Variants in NRG1 observed in about 807,000 individuals in gnomAD.
The protein encoded by NRG1 is neuregulin 1.
A neutral mutation model predicts 63.8 loss-of-function variants in NRG1; 18 were observed. The ratio of observed to expected loss-of-function variants is 0.28; its 90% CI spans 0.19 to 0.42. The LOEUF is 0.42. NRG1 is among the 10% of genes least tolerant of loss of function. NRG1 has a pLI of 1.00. For missense variants in NRG1, 762 were observed against 814.7 expected (o/e 0.94, Z 0.79); for synonymous variants, 302 against 301.3 (o/e 1.00, Z -0.02).
At chr8:32,128,229 C>T (rs972370762) in intron 1 of NRG1, among the ~76,000 whole-genome samples, 5 of 151,912 alleles carry the variant, frequency 3.3e-5, no homozygotes, top group Non-Finnish European at 5.9e-5. Flanking sequence ...AAAGAAGAGT[C>T]CCAGCAGGCC....
chr8:32,647,095 G>A (rs1853731724), intron 5 of NRG1: 1 of 985,248 alleles, frequency 1.0e-6, no homozygotes, highest in Non-Finnish European at 1.2e-6. Flanking sequence ...CTGCACTCTT[G>A]CCTCCGGAGC....
intron 1 of NRG1, among the ~76,000 whole-genome samples, chr8:32,330,626 TG>T (rs1172545960): frequency 6.6e-6 from 1 of 152,208 alleles, no homozygotes; most frequent in Non-Finnish European, 1.5e-5. Flanking sequence ...GTCCAGTCAT[TG>T]GGGTTGACCC....
chr8:32,233,651 G>A lies in NRG1; in HGVS notation c.38-362177G>A, dbSNP rs183121116. On this transcript the variant is annotated intron_variant, in intron 1 of 10. Transcript: ENST00000519301. ...GCGATCTCAGATCACTGCAACCTCCGCCTCCTGGGTTCAAGTGATTCTCCT... is the reference window on the plus strand; with the variant it reads ...GCGATCTCAGATCACTGCAACCTCCACCTCCTGGGTTCAAGTGATTCTCCT... Among the ~76,000 whole-genome samples, 40 of 147,564 alleles carry A rather than the reference G, an allele frequency of 2.7e-4. No individual in the cohort carries two copies. In the South Asian group the frequency reaches 3.7e-3, roughly 14 times the overall value.
At chr8:32,676,462 T>C (rs115430379) in intron 5 of NRG1, among the ~76,000 whole-genome samples, 1 of 152,356 alleles carries the variant, frequency 6.6e-6, no homozygotes, top group African/African-American at 2.4e-5. Context: ...CAGAAGTTTG[T>C]TAACCTAGTT....
At chr8:32,148,112 T>C (rs560097240) in intron 1 of NRG1, among the ~76,000 whole-genome samples, 10 of 152,308 alleles carry the variant, frequency 6.6e-5, no homozygotes, top group Admixed American at 5.2e-4. Context: ...TTGTTGAATA[T>C]ATTTCCTCAG....
At chr8:31,698,903 A>G (rs563109210) in intron 1 of NRG1, among the ~76,000 whole-genome samples, 2 of 152,368 alleles carry the variant, frequency 1.3e-5, no homozygotes, top group East Asian at 1.9e-4. Flanking sequence ...ACAAAGATTT[A>G]TGAACACAAA....
intron 1 of NRG1, among the ~76,000 whole-genome samples, chr8:32,143,978 G>A (rs1396626850): frequency 2.6e-5 from 4 of 152,272 alleles, no homozygotes; most frequent in South Asian, 2.1e-4. Context: ...TATGTTTAGC[G>A]TCAATTTCTC....
intron 1 of NRG1, among the ~76,000 whole-genome samples, chr8:32,119,216 A>G (rs1833128264): frequency 2.0e-5 from 3 of 152,120 alleles, no homozygotes; most frequent in Non-Finnish European, 2.9e-5. Flanking sequence ...TTTTTACCTC[A>G]TTAAATCCTA....
At chr8:31,919,280 A>AT (rs1833692786) in intron 1 of NRG1, among the ~76,000 whole-genome samples, 1 of 151,408 alleles carries the variant, frequency 6.6e-6, no homozygotes, top group African/African-American at 2.4e-5. Context: ...TATTTGTTAT[A>AT]TTTTTTGATG....
At chr8:32,749,443 G>A (rs1179863681) in intron 7 of NRG1, 6 of 1,021,068 alleles carry the variant, frequency 5.9e-6, no homozygotes, top group Non-Finnish European at 9.2e-6. Flanking sequence ...CTGGTTCAAT[G>A]TGCATGCACA....
intron 1 of NRG1, among the ~76,000 whole-genome samples, chr8:31,647,093 C>A (rs2130858945): frequency 6.6e-6 from 1 of 152,292 alleles, no homozygotes; most frequent in East Asian, 1.9e-4. Context: ...CATTTGTAAA[C>A]CATCCCAGTT....
chr8:32,186,107 C>T (rs563571567), intron 1 of NRG1, among the ~76,000 whole-genome samples: 1 of 152,270 alleles, frequency 6.6e-6, no homozygotes, highest in Admixed American at 6.5e-5. Flanking sequence ...CTATTAAACT[C>T]ATATCTAATG....
At chr8:32,087,274 G>A (rs190347505) in intron 1 of NRG1, among the ~76,000 whole-genome samples, 1 of 152,050 alleles carries the variant, frequency 6.6e-6, no homozygotes, top group East Asian at 1.9e-4. Flanking sequence ...TTTTTGCTCT[G>A]AGTTCATGTG....
chr8:32,382,959 C>T (rs1470349594), intron 1 of NRG1, among the ~76,000 whole-genome samples: 1 of 151,814 alleles, frequency 6.6e-6, no homozygotes, highest in Non-Finnish European at 1.5e-5. Context: ...CAGTGGCTCA[C>T]ACCTGTAATC....
At chr8:32,656,864 T>G (rs1300689482) in intron 5 of NRG1, among the ~76,000 whole-genome samples, 1 of 151,996 alleles carries the variant, frequency 6.6e-6, no homozygotes, top group African/African-American at 2.4e-5. Flanking sequence ...GGTAAAATAT[T>G]TTAAATTTTT....
At chr8:31,920,880 A>ATAGG (rs1277017157) in intron 1 of NRG1, among the ~76,000 whole-genome samples, 1 of 126,076 alleles carries the variant, frequency 7.9e-6, no homozygotes, top group Non-Finnish European at 1.7e-5. Context: ...AGATAGATAG[A>ATAGG]TAGGTAGATA....
intron 1 of NRG1, among the ~76,000 whole-genome samples, chr8:32,399,465 G>A (rs551007627): frequency 6.6e-6 from 1 of 152,312 alleles, no homozygotes; most frequent in South Asian, 2.1e-4. Context: ...AGGCCAAGGC[G>A]GGGCAGAGGG....
intron 1 of NRG1, among the ~76,000 whole-genome samples, chr8:32,472,213 C>T (rs929485723): frequency 1.3e-5 from 2 of 152,160 alleles, no homozygotes; most frequent in African/African-American, 4.8e-5. Context: ...CTCTGTCGCC[C>T]AGGCTAGAGT....
chr8:32,299,511 A>G (rs2129475000), intron 1 of NRG1, among the ~76,000 whole-genome samples: 1 of 152,328 alleles, frequency 6.6e-6, no homozygotes, highest in South Asian at 2.1e-4. Flanking sequence ...GCAGATGATA[A>G]TGATACTGCA....
Sources: gnomAD v4.1 joint callset for allele counts (sites outside exome capture counted in the v4.1 genomes callset) on GRCh38, gnomAD v4.1.1 for gene constraint, MANE v1.5 for transcripts, NCBI Gene and HGNC (gene_info 2026-07-23, HGNC 2026-07-21) for gene names.